The following ETV6 variants were observed in gnomAD, a reference collection of about 807,000 sequenced individuals.
ETV6 encodes the protein ETS variant transcription factor 6.
ETV6 carries 16 observed loss-of-function variants against 51.1 expected under a neutral mutation model. The observed-to-expected ratio is 0.31, with a 90% CI of 0.21 to 0.48. The LOEUF is 0.48. ETV6 is among the 20% of genes least tolerant of loss of function. The pLI is 0.99. For missense variants in ETV6, 458 were observed against 594.8 expected (o/e 0.77, Z 2.39); for synonymous variants, 240 against 224.1 (o/e 1.07, Z -0.64).
chr12:11,756,961 C>G (rs955401809), intron 2 of ETV6, among the ~76,000 whole-genome samples: 3 of 152,174 alleles, frequency 2.0e-5, no homozygotes, highest in African/African-American at 7.2e-5. Flanking sequence ...CGCCATTTGC[C>G]CGCAGACTGT....
chr12:11,762,557 A>T (rs1321032067), intron 2 of ETV6, among the ~76,000 whole-genome samples: 1 of 152,208 alleles, frequency 6.6e-6, no homozygotes, highest in Non-Finnish European at 1.5e-5. Context: ...TTAATTAATT[A>T]TGGGAGAAAA....
intron 2 of ETV6, among the ~76,000 whole-genome samples, chr12:11,795,205 AG>A (rs372679721): frequency 7.9e-4 from 121 of 152,400 alleles, no homozygotes; most frequent in African/African-American, 2.4e-3. Context: ...ATAAAAATAA[AG>A]CAGGAACTGT....
chr12:11,751,440 A>G (rs748442265), intron 1 of ETV6: 1 of 518,604 alleles, frequency 1.9e-6, no homozygotes, highest in Non-Finnish European at 3.8e-6. Context: ...AACCACAGAC[A>G]CTCCTGAAGT....
chr12:11,853,819 A>G (rs776363242), intron 4 of ETV6, among the ~76,000 whole-genome samples: 7 of 152,342 alleles, frequency 4.6e-5, no homozygotes, highest in Non-Finnish European at 8.8e-5. Flanking sequence ...GGAAGGGTCC[A>G]TGACAGCCAG....
chr12:11,884,503 C>G lies in ETV6; in HGVS notation c.1068C>G (p.Asn356Lys), dbSNP rs757419113. ...TGCTTTCTGACAGCCGGTACGAAAA[C>G]TTCATCCGATGGGAGGACAAAGAAT... ...YQLLSDSRYE[N>K]FIRWEDKESK... is the part of the protein sequence containing the mutation. Residue 356 changes from asparagine (N) to lysine (K), a missense_variant, in exon 6 of 8, where the codon AAC (asparagine) becomes AAG (lysine). Physicochemically the swap from Asn to Lys is moderately conservative, Grantham distance 94 (BLOSUM62 0). This residue lies in a region of ETV6 where 55 missense variants were observed against 151.2 expected (regional missense o/e 0.36). Transcript: ENST00000396373. The G allele has an allele frequency of 6.2e-7, 1 of 1,614,110 alleles. No homozygotes were observed. The highest frequency in any genetic ancestry group is 8.5e-7 in the Non-Finnish European group (1 of 1,180,044).
chr12:11,888,324 C>T (rs192221028), intron 7 of ETV6, among the ~76,000 whole-genome samples: 15 of 152,142 alleles, frequency 9.9e-5, no homozygotes, highest in East Asian at 3.9e-4. Flanking sequence ...ACATAGCTGT[C>T]GTCTTCCATC....
intron 1 of ETV6, among the ~76,000 whole-genome samples, chr12:11,672,396 A>G (rs1864335135): frequency 6.6e-6 from 1 of 152,200 alleles, no homozygotes; most frequent in South Asian, 2.1e-4. Flanking sequence ...GGCAATTGAA[A>G]CAGAGAGACA....
In ETV6 at chr12:11,765,121, A is replaced by C. The variant is rs79938042; in HGVS notation, c.163+12542A>C. On this transcript the variant is annotated intron_variant, in intron 2 of 7. Coordinates refer to ENST00000396373, the MANE Select transcript of ETV6 (RefSeq NM_001987.5). The stretch of plus-strand genomic sequence containing the variant: ...AACAGAATAACTCACTAAAATAAAA[A>C]TTTAAAGCTACCCCACAGAAAACAT... Among the ~76,000 whole-genome samples the C allele has an allele frequency of 9.2e-3, 1,407 of 152,302 alleles. 23 individuals carry two copies. The highest frequency in any genetic ancestry group is 0.032 in the African/African-American group (1,336 of 41,532).
chr12:11,871,879 A>C (rs1946886080), intron 5 of ETV6, among the ~76,000 whole-genome samples: 1 of 152,230 alleles, frequency 6.6e-6, no homozygotes, highest in Non-Finnish European at 1.5e-5. Flanking sequence ...AACTGGGGAA[A>C]AAAAGAATAG....
At chr12:11,752,349 C>A in intron 1 of ETV6, 101 bp from the exon 2 acceptor site, 1 of 1,281,998 alleles carries the variant, frequency 7.8e-7, no homozygotes. Flanking sequence ...GCCCATGCCC[C>A]GCCTCCCTTT....
At position 11,752,490 on chromosome 12, in the gene ETV6, C is replaced by T. The variant is rs550013624; in HGVS notation, c.74C>T (p.Pro25Leu). ...ISYTPPESPVPSYASSTPLHV... is the reference protein window; with the variant it reads ...ISYTPPESPVLSYASSTPLHV... ...TATACACCTCCAGAGAGCCCAGTGC[C>T]GAGTTACGCTTCCTCGACGCCACTT... The change falls in exon 2 of 8, where the codon CCG (proline) becomes CTG (leucine). Residue 25 changes from proline to leucine, a missense_variant. Pro to Leu is a moderately conservative substitution (Grantham distance 98). Around this residue, in one of 4 missense-constraint regions of ETV6, gnomAD observed 84 missense variants for 75.9 expected, o/e 1.11. Coordinates refer to ENST00000396373, the MANE Select transcript of ETV6 (RefSeq NM_001987.5). The T allele has an allele frequency of 2.4e-5, 38 of 1,613,934 alleles. No homozygotes were observed. Among genetic ancestry groups the T allele is most frequent in the Admixed American group, 2.3e-4 (14 of 60,022 alleles).
At chr12:11,792,326 T>C (rs2723823) in intron 2 of ETV6, among the ~76,000 whole-genome samples, 94,008 of 152,014 alleles carry the variant, frequency 0.62, 29,079 homozygotes, top group African/African-American at 0.67. Context: ...TGGCCGGAGC[T>C]AGCTAAGAAT....
intron 2 of ETV6, among the ~76,000 whole-genome samples, chr12:11,753,350 C>T (rs986271727): frequency 2.0e-5 from 3 of 152,210 alleles, no homozygotes; most frequent in Non-Finnish European, 4.4e-5. Context: ...CTTTCTCATA[C>T]TGCCACCCAG....
chr12:11,893,837 TATATACAC>T lies in ETV6; in HGVS notation c.*2793_*2800del, dbSNP rs1371253297. ...ATATATATATATATATATATATATA[TATATACAC>T]ACACACACACATACACAAATATTCC... On this transcript the variant is annotated 3_prime_UTR_variant, in exon 8 of 8. Transcript: ENST00000396373. 1.4e-3 allele frequency: 69 copies of T among 48,566 alleles called. 1 individual carries two copies. The highest frequency in any genetic ancestry group is 2.2e-3 in the Non-Finnish European group (54 of 24,004). 3.0% of individuals were successfully genotyped at this position (48,566 alleles called of 1,614,324 possible).
rs918107569 is a variant in ETV6 at position 11,853,297 on chromosome 12, G to T, written c.329-130G>T. Reference sequence around the variant, plus strand: ...ATTCTGTGCCCCATGAGCTTGGTGAGGGTAGGAGGTGGCAGGTGCGCTCCA... The same window carrying T: ...ATTCTGTGCCCCATGAGCTTGGTGATGGTAGGAGGTGGCAGGTGCGCTCCA... On this transcript the variant is annotated intron_variant, in intron 3 of 7. Transcript: ENST00000396373. 1.4e-5 allele frequency: 14 copies of T among 966,444 alleles called. No homozygotes were observed. The African/African-American group carries it at 1.8e-4, about 12-fold the overall frequency. The allele number at this position is 966,444 out of a possible 1,614,324, so 59.9% of individuals were successfully genotyped here. A position where few individuals can be genotyped will look rare whatever the true frequency, so the allele number is the denominator to read the frequency against.
chr12:11,874,376 CAA>C lies in ETV6; in HGVS notation c.1009+4420_1009+4421del, dbSNP rs35586470. 2.5e-3 allele frequency among the ~76,000 whole-genome samples: 165 copies of C among 66,032 alleles called. 1 individual carries two copies. The highest frequency in any genetic ancestry group is 5.1e-3 in the African/African-American group (102 of 20,180). The allele number at this position is 66,032 out of a possible 152,430, so 43.3% of individuals were successfully genotyped here. ...TGGGCAACAGAGTGATACTCTGTCT[CAA>C]AAAAAAAAAAAATGTGTGTGTATAT... On this transcript the variant is annotated intron_variant, in intron 5 of 7. Coordinates refer to ENST00000396373, the MANE Select transcript of ETV6 (RefSeq NM_001987.5).
chr12:11,650,489 A>ACAAC (rs202226103), intron 1 of ETV6, among the ~76,000 whole-genome samples: 13 of 67,390 alleles, frequency 1.9e-4, no homozygotes, highest in African/African-American at 5.8e-4. Flanking sequence ...CTTAAAAAAA[A>ACAAC]AAAAAACAAA....
intron 4 of ETV6, among the ~76,000 whole-genome samples, chr12:11,856,168 A>C (rs1255860045): frequency 6.6e-6 from 1 of 152,188 alleles, no homozygotes; most frequent in Non-Finnish European, 1.5e-5. Context: ...GCAGGAGCTC[A>C]GCAATAGAGA....
rs760324482 is a variant in ETV6, at chr12:11,839,303, A to T, written c.327A>T (p.Ser109=). Residue 109 remains serine, a splice_region_variant and synonymous_variant, in exon 3 of 8, where the codon TCA becomes TCT. Transcript: ENST00000396373. ...ACTTTCGCTATCGATCTCCTCATTC[A>T]GGTGAGAGTCTGGACTCTTGGCATA... The part of the protein sequence containing the change: ...KEDFRYRSPH[S]GDVLYELLQH... 6.2e-7 allele frequency: 1 copy of T among 1,612,918 alleles called. No homozygotes were observed. The highest frequency in any genetic ancestry group is 8.5e-7 in the Non-Finnish European group (1 of 1,179,240).
Sources: allele counts gnomAD v4.1 joint callset (sites outside exome capture counted in the v4.1 genomes callset), GRCh38; gene constraint gnomAD v4.1.1; regional missense constraint gnomAD v4.1.1; transcripts MANE v1.5; gene names NCBI Gene and HGNC (gene_info 2026-07-23, HGNC 2026-07-21).